The following ALMS1 variants were observed in gnomAD, a reference collection of about 807,000 sequenced individuals.
ALMS1 encodes ALMS1 centrosome and basal body associated protein.
In ALMS1, 271 loss-of-function variants were observed where a neutral mutation model predicts 352.2. That is an observed-to-expected ratio of 0.77 (90% CI 0.70 to 0.85). The LOEUF is 0.85. ALMS1 is among the 40% of genes least tolerant of loss of function. The pLI is 0.00. For missense variants in ALMS1, 5,445 were observed against 4,870.7 expected (o/e 1.12, Z -3.51); for synonymous variants, 1,865 against 1,761.2 (o/e 1.06, Z -1.48).
At chr2:73,561,155 C>T (rs1342985225) in intron 15 of ALMS1, among the ~76,000 whole-genome samples, 3 of 152,246 alleles carry the variant, frequency 2.0e-5, no homozygotes, top group South Asian at 2.1e-4. Flanking sequence ...TGTCTAGGCA[C>T]GGGCTTATCC....
At chr2:73,454,489 C>A in intron 8 of ALMS1, 1 of 522,464 alleles carries the variant, frequency 1.9e-6, no homozygotes, top group Non-Finnish European at 2.5e-6. Context: ...CTCTAAATTG[C>A]TTTTTGTCCT....
chr2:73,599,207 T>A (rs1387842576), intron 16 of ALMS1, among the ~76,000 whole-genome samples, 194 bp from the exon 17 acceptor site: 1 of 152,150 alleles, frequency 6.6e-6, no homozygotes, highest in African/African-American at 2.4e-5. Context: ...TATAACAGCT[T>A]AAGTCCTATC....
chr2:73,528,366 T>C (rs1275177238), intron 11 of ALMS1, among the ~76,000 whole-genome samples: 2 of 152,226 alleles, frequency 1.3e-5, no homozygotes, highest in Non-Finnish European at 2.9e-5. Flanking sequence ...ATCTCTCTCT[T>C]TAGCTGTAAG....
intron 13 of ALMS1, among the ~76,000 whole-genome samples, chr2:73,554,838 AC>A (rs1314855851): frequency 6.6e-6 from 1 of 152,192 alleles, no homozygotes; most frequent in Non-Finnish European, 1.5e-5. Flanking sequence ...CTTTATGTGC[AC>A]GTTTTCCCCC....
chr2:73,562,261 G>A (rs970486125), intron 15 of ALMS1, among the ~76,000 whole-genome samples: 5 of 152,046 alleles, frequency 3.3e-5, no homozygotes, highest in African/African-American at 1.2e-4. Flanking sequence ...AAACTCCTGG[G>A]CTCAAGTGAT....
chr2:73,565,663 C>T (rs1674786957), intron 15 of ALMS1, among the ~76,000 whole-genome samples: 1 of 152,166 alleles, frequency 6.6e-6, no homozygotes, highest in South Asian at 2.1e-4. Flanking sequence ...TCAGCCGGGT[C>T]ATCAAGATCA....
intron 6 of ALMS1, among the ~76,000 whole-genome samples, chr2:73,429,971 G>C (rs1361784149): frequency 6.6e-6 from 1 of 151,208 alleles, no homozygotes; most frequent in Non-Finnish European, 1.5e-5. Flanking sequence ...CTTGATTTCT[G>C]TTTTCTCCTG....
chr2:73,595,552 T>C (rs939212512), intron 16 of ALMS1, among the ~76,000 whole-genome samples: 4 of 152,204 alleles, frequency 2.6e-5, no homozygotes, highest in Non-Finnish European at 5.9e-5. Flanking sequence ...TGATGGACAT[T>C]TGGATTGTTT....
chr2:73,541,542 T>A (rs907352405), intron 12 of ALMS1, among the ~76,000 whole-genome samples: 3 of 151,090 alleles, frequency 2.0e-5, no homozygotes, highest in African/African-American at 7.3e-5. Context: ...GGAAATAGAG[T>A]CACAAAATAC....
At chr2:73,402,867 T>C (rs970344964) in intron 1 of ALMS1, among the ~76,000 whole-genome samples, 2 of 152,186 alleles carry the variant, frequency 1.3e-5, no homozygotes, top group African/African-American at 4.8e-5. Context: ...CCGTTGCCCA[T>C]TCTAAAATTA....
chr2:73,502,259 C>T (rs932679145), intron 10 of ALMS1, among the ~76,000 whole-genome samples: 2 of 152,060 alleles, frequency 1.3e-5, no homozygotes, highest in African/African-American at 4.8e-5. Flanking sequence ...GTTTTATGTT[C>T]AGTAACTCCT....
At chr2:73,587,411 G>A (rs1460167118) in intron 16 of ALMS1, among the ~76,000 whole-genome samples, 4 of 152,148 alleles carry the variant, frequency 2.6e-5, no homozygotes, top group Non-Finnish European at 5.9e-5. Flanking sequence ...TTTGGTGTGG[G>A]TTTGCCATAG....
chr2:73,553,685 A>G (rs569985676), intron 13 of ALMS1, among the ~76,000 whole-genome samples: 2 of 152,342 alleles, frequency 1.3e-5, no homozygotes, highest in African/African-American at 4.8e-5. Flanking sequence ...TATAAACTTA[A>G]TTGAATATTG....
chr2:73,481,550 G>A (rs1034295339), intron 9 of ALMS1, among the ~76,000 whole-genome samples: 1 of 151,962 alleles, frequency 6.6e-6, no homozygotes, highest in Non-Finnish European at 1.5e-5. Flanking sequence ...GGATTGACTT[G>A]GCGATGCAGG....
chr2:73,558,900 T>C, intron 14 of ALMS1, 72 bp from the exon 15 acceptor site: 2 of 1,488,730 alleles, frequency 1.3e-6, no homozygotes, highest in Admixed American at 1.8e-5. Context: ...ACATAATACG[T>C]ACTTGAGAGA....
intron 10 of ALMS1, among the ~76,000 whole-genome samples, chr2:73,504,524 T>C (rs1367992705): frequency 6.6e-6 from 1 of 152,174 alleles, no homozygotes; most frequent in Non-Finnish European, 1.5e-5. Flanking sequence ...GTTACATAGA[T>C]GGAACATAAC....
At chr2:73,483,493 G>C (rs1363006992) in intron 9 of ALMS1, among the ~76,000 whole-genome samples, 5 of 151,838 alleles carry the variant, frequency 3.3e-5, no homozygotes, top group East Asian at 3.9e-4. Flanking sequence ...TTAGTTCCAA[G>C]TATGTGGTCA....
At chr2:73,593,287 G>A (rs1675470793) in intron 16 of ALMS1, among the ~76,000 whole-genome samples, 1 of 152,030 alleles carries the variant, frequency 6.6e-6, no homozygotes. Flanking sequence ...TTGTGAATCC[G>A]TGGATGGATT....
intron 9 of ALMS1, among the ~76,000 whole-genome samples, chr2:73,477,077 T>A (rs1002396066): frequency 6.6e-6 from 1 of 152,182 alleles, no homozygotes; most frequent in Non-Finnish European, 1.5e-5. Context: ...CTTTTCACTC[T>A]GTTGATGGTG....
Sources: gnomAD v4.1 joint callset for allele counts (sites outside exome capture counted in the v4.1 genomes callset) on GRCh38, gnomAD v4.1.1 for gene constraint, MANE v1.5 for transcripts, NCBI Gene and HGNC (gene_info 2026-07-23, HGNC 2026-07-21) for gene names.